Variants in KRCC1 observed in about 807,000 individuals in gnomAD.
KRCC1 encodes the protein lysine-rich coiled-coil protein 1.
Under a neutral mutation model 7.4 loss-of-function variants are expected in KRCC1, and 3 were observed. That is an observed-to-expected ratio of 0.40 (90% CI 0.18 to 1.04). KRCC1 has a LOEUF of 1.04. KRCC1 is among the 50% of genes least tolerant of loss of function. The pLI, the probability that KRCC1 is intolerant of heterozygous loss-of-function variation, is 0.33. For missense variants in KRCC1, 277 were observed against 300.9 expected (o/e 0.92, Z 0.59); for synonymous variants, 102 against 101.6 (o/e 1.00, Z -0.02).
intron 3 of KRCC1, among the ~76,000 whole-genome samples, chr2:88,033,755 G>A (rs1033161056): frequency 5.9e-5 from 9 of 152,130 alleles, no homozygotes; most frequent in South Asian, 2.1e-4. Flanking sequence ...CATTGTTTGC[G>A]GGAATGTAAA....
intron 2 of KRCC1, 146 bp downstream of exon 2, chr2:88,036,797 A>C (rs116642849): frequency 5.9e-5 from 9 of 152,330 alleles, no homozygotes; most frequent in African/African-American, 2.2e-4. Flanking sequence ...CCCAAATGTA[A>C]GTCAGGAAGT....
At chr2:88,050,901 G>A (rs1410229697) in intron 1 of KRCC1, among the ~76,000 whole-genome samples, 1 of 144,242 alleles carries the variant, frequency 6.9e-6, no homozygotes, top group East Asian at 2.1e-4. Flanking sequence ...GTAACCTTAT[G>A]CCTTCTATAT....
chr2:88,031,639 A>G (rs955077843), intron 3 of KRCC1, among the ~76,000 whole-genome samples: 4 of 151,886 alleles, frequency 2.6e-5, no homozygotes, highest in Non-Finnish European at 4.4e-5. Context: ...TAAAAAAATA[A>G]AAATAAAAAA....
chr2:88,046,306 T>C (rs1286618968), intron 1 of KRCC1, among the ~76,000 whole-genome samples: 1 of 152,220 alleles, frequency 6.6e-6, no homozygotes, highest in Non-Finnish European at 1.5e-5. Context: ...CTTAGGTTCC[T>C]TACCTCTAAA....
intron 1 of KRCC1, among the ~76,000 whole-genome samples, chr2:88,043,835 A>C (rs1270036557): frequency 6.6e-6 from 1 of 151,850 alleles, no homozygotes; most frequent in East Asian, 1.9e-4. Flanking sequence ...AAGCCCAGCT[A>C]ATTTTTTTGT....
rs1050235708 is a variant in KRCC1 at position 88,028,537 on chromosome 2, G to A, written c.27C>T (p.Asp9=). The stretch of plus-strand genomic sequence containing the variant: ...AATCTTCAAGTTCATCTTGAAAAGA[G>A]TCATATGTCTTCTTTGAATGCTTCA... The part of the protein sequence containing the change: MKHSKKTY[D]SFQDELEDYI... Residue 9 remains aspartate (D), a synonymous_variant, in exon 4 of 4, where the codon GAC becomes GAT. Transcript: ENST00000347055. The A allele has an allele frequency of 6.2e-7, 1 of 1,605,818 alleles. No homozygotes were observed. The highest frequency in any genetic ancestry group is 1.3e-5 in the African/African-American group (1 of 74,380).
intron 1 of KRCC1, among the ~76,000 whole-genome samples, chr2:88,051,101 T>A (rs573231766): frequency 8.2e-4 from 124 of 152,122 alleles, no homozygotes; most frequent in African/African-American, 2.8e-3. Context: ...TTTTTATTTT[T>A]TTTTTTTGTA....
At chr2:88,038,971 T>G (rs1054943297) in intron 1 of KRCC1, among the ~76,000 whole-genome samples, 7 of 152,200 alleles carry the variant, frequency 4.6e-5, no homozygotes, top group African/African-American at 1.7e-4. Context: ...ATCCTTCATG[T>G]ATTAGACACG....
chr2:88,041,116 G>A (rs1558834097), intron 1 of KRCC1, among the ~76,000 whole-genome samples: 1 of 152,096 alleles, frequency 6.6e-6, no homozygotes, highest in Non-Finnish European at 1.5e-5. Context: ...AGCTGTTGCA[G>A]GCAAGAGATT....
intron 2 of KRCC1, among the ~76,000 whole-genome samples, chr2:88,035,162 T>A (rs1673068016): frequency 6.6e-6 from 1 of 152,208 alleles, no homozygotes; most frequent in Admixed American, 6.5e-5. Flanking sequence ...CAGTAGATAA[T>A]CCTATGATTA....
chr2:88,031,690 T>A (rs999403075), intron 3 of KRCC1, among the ~76,000 whole-genome samples: 2 of 151,794 alleles, frequency 1.3e-5, no homozygotes, highest in African/African-American at 4.8e-5. Flanking sequence ...GATAAAGATA[T>A]AAAGAAATAA....
At position 88,045,423 on chromosome 2, in the gene KRCC1, C is replaced by T. The variant is rs539335929; in HGVS notation, c.-290-8372G>A. 1.1e-4 allele frequency among the ~76,000 whole-genome samples: 17 copies of T among 152,258 alleles called. No individual in the cohort carries two copies. The South Asian group carries it at 1.7e-3, about 15-fold the overall frequency. On this transcript the variant is annotated intron_variant, in intron 1 of 3. Coordinates refer to ENST00000347055, the MANE Select transcript of KRCC1 (RefSeq NM_016618.3). ...GAACAAAACAGCAACACATGCAACA[C>T]GGATGAATCTCAAAACCATCACGCT...
intron 1 of KRCC1, among the ~76,000 whole-genome samples, chr2:88,050,783 A>G (rs1673460116): frequency 1.3e-5 from 2 of 152,224 alleles, no homozygotes; most frequent in Non-Finnish European, 1.5e-5. Flanking sequence ...AGTGTCCTGG[A>G]AAATCTTGAC....
rs150199924 is a variant in KRCC1, at chr2:88,048,446, G to GT, written c.-291+7179dup. On this transcript the variant is annotated intron_variant, in intron 1 of 3. Coordinates refer to ENST00000347055, the MANE Select transcript of KRCC1 (RefSeq NM_016618.3). ...TGAGAAGGCCTATGAATGCAGTTTT[G>GT]TTTTTTGATATAACAGTAAATAGTA... Among the ~76,000 whole-genome samples, 1,521 of 152,178 alleles carry GT rather than the reference G, an allele frequency of 1.0e-2. 43 individuals carry two copies. The East Asian group carries it at 0.11, about 11-fold the overall frequency.
At chr2:88,043,781 T>G (rs1673267749) in intron 1 of KRCC1, among the ~76,000 whole-genome samples, 1 of 152,214 alleles carries the variant, frequency 6.6e-6, no homozygotes, top group Admixed American at 6.5e-5. Context: ...GCGGTTCTCC[T>G]GCCTCAGCCT....
chr2:88,049,193 C>CGATA (rs1482492525), intron 1 of KRCC1, among the ~76,000 whole-genome samples: 2 of 152,148 alleles, frequency 1.3e-5, no homozygotes, highest in Admixed American at 1.3e-4. Context: ...TCAAATTTAT[C>CGATA]TTTTTATTTA....
intron 1 of KRCC1, among the ~76,000 whole-genome samples, chr2:88,054,728 C>T (rs983622314): frequency 6.6e-6 from 1 of 152,186 alleles, no homozygotes; most frequent in Non-Finnish European, 1.5e-5. Context: ...TCAGTCTTTC[C>T]CCTCTGTCAG....
intron 3 of KRCC1, 36 bp downstream of exon 3, chr2:88,034,098 A>G (rs1180509673): frequency 6.5e-6 from 1 of 152,688 alleles, no homozygotes; most frequent in Non-Finnish European, 1.5e-5. Context: ...CAGATGGCAC[A>G]GAGATGAATA....
intron 1 of KRCC1, among the ~76,000 whole-genome samples, chr2:88,045,051 G>A (rs1673300477): frequency 6.6e-6 from 1 of 151,192 alleles, no homozygotes; most frequent in African/African-American, 2.4e-5. Context: ...TTTTTGTAGA[G>A]ATGAGGTTTT....
Sources: gnomAD v4.1 joint callset for allele counts (sites outside exome capture counted in the v4.1 genomes callset) on GRCh38, gnomAD v4.1.1 for gene constraint, MANE v1.5 for transcripts, NCBI Gene and HGNC (gene_info 2026-07-23, HGNC 2026-07-21) for gene names.